The following AFF3 variants were observed in gnomAD, a reference collection of about 807,000 sequenced individuals.
AFF3 encodes the protein ALF transcription elongation factor 3.
In AFF3, 32 loss-of-function variants were observed where a neutral mutation model predicts 129.7. The ratio of observed to expected loss-of-function variants is 0.25; its 90% CI spans 0.19 to 0.33. AFF3 has a LOEUF of 0.33. Ranked by LOEUF, AFF3 falls within the 10% of genes least tolerant of loss-of-function variation. The probability of loss-of-function intolerance (pLI) is 1.00; values close to 1 mark genes in which losing one functional copy is unlikely to be tolerated. For synonymous variants in AFF3, 644 were observed against 635.4 expected, an observed-to-expected ratio of 1.01 and a Z score of -0.20; for missense variants, 1,373 against 1,592.0, an observed-to-expected ratio of 0.86 and a Z score of 2.34.
chr2:100,104,843 GCC>G, intron 3 of AFF3: 1 of 514,684 alleles, frequency 1.9e-6, no homozygotes, highest in Non-Finnish European at 2.4e-6. Flanking sequence ...GCGCCCGCCC[GCC>G]CGCCTCTTTC....
rs2104426197 is a variant in AFF3 at position 99,547,788 on chromosome 2, T to C, written c.*3686A>G. 1 of 209,782 alleles carries C rather than the reference T, an allele frequency of 4.8e-6. No individual in the cohort carries two copies. Among genetic ancestry groups the C allele is most frequent in the Middle Eastern group, 1.6e-3 (1 of 616 alleles). 13.0% of individuals were successfully genotyped at this position (209,782 alleles called of 1,614,324 possible). A position where few individuals can be genotyped will look rare whatever the true frequency, so the allele number is the denominator to read the frequency against. The stretch of plus-strand genomic sequence containing the variant: ...TAAATGTATGCATTTATACAAACTG[T>C]GTATATTATGTATGGGGTGTCAGAA... On this transcript the variant is annotated 3_prime_UTR_variant, in exon 25 of 25. Transcript: ENST00000672756.
At chr2:99,576,239 G>A (rs1217748352) in intron 18 of AFF3, among the ~76,000 whole-genome samples, 1 of 151,306 alleles carries the variant, frequency 6.6e-6, no homozygotes, top group East Asian at 1.9e-4. Context: ...CACCATCTTG[G>A]CCAGGCTGGT....
intron 8 of AFF3, among the ~76,000 whole-genome samples, chr2:99,754,957 C>T (rs1681967893): frequency 6.6e-6 from 1 of 152,172 alleles, no homozygotes; most frequent in African/African-American, 2.4e-5. Flanking sequence ...ATCAGTCTTT[C>T]TTCTCTAATT....
At chr2:99,995,264 G>C (rs1187758639) in intron 7 of AFF3, among the ~76,000 whole-genome samples, 1 of 152,050 alleles carries the variant, frequency 6.6e-6, no homozygotes, top group Non-Finnish European at 1.5e-5. Context: ...TGAAATTATA[G>C]AAAAAGGATG....
rs1477338537 is a variant in AFF3, at chr2:99,551,388, T to C, written c.*86A>G. 6.5e-6 allele frequency: 10 copies of C among 1,540,838 alleles called. No individual in the cohort carries two copies. The highest frequency in any genetic ancestry group is 8.0e-6 in the Non-Finnish European group (9 of 1,129,012). On this transcript the variant is annotated 3_prime_UTR_variant, in exon 25 of 25. Coordinates refer to ENST00000672756, the MANE Select transcript of AFF3 (RefSeq NM_001386135.1). ...GTTCACCGCAGTCTGATAAATGCTG[T>C]GGCTGGGAGTTTCAGTAGCACAGTG...
intron 7 of AFF3, among the ~76,000 whole-genome samples, chr2:99,994,165 A>G (rs557516931): frequency 6.6e-6 from 1 of 152,172 alleles, no homozygotes; most frequent in African/African-American, 2.4e-5. Flanking sequence ...ACGCAGACTG[A>G]AAGAACACTC....
intron 11 of AFF3, among the ~76,000 whole-genome samples, chr2:99,717,242 T>C (rs548429855): frequency 5.3e-5 from 8 of 152,372 alleles, no homozygotes; most frequent in African/African-American, 1.9e-4. Context: ...CTTGTACTAA[T>C]GCCTACAAAT....
At chr2:99,625,135 T>C (rs1294182571) in intron 13 of AFF3, among the ~76,000 whole-genome samples, 3 of 152,242 alleles carry the variant, frequency 2.0e-5, no homozygotes, top group African/African-American at 7.2e-5. Flanking sequence ...TTGCATCCAC[T>C]GTTTGTATAT....
At chr2:99,875,188 C>G (rs754141155) in intron 7 of AFF3, among the ~76,000 whole-genome samples, 6 of 152,126 alleles carry the variant, frequency 3.9e-5, no homozygotes, top group Non-Finnish European at 7.4e-5. Flanking sequence ...TTGTCCAGCT[C>G]AGAGCACTGC....
Position 100,104,520 on chromosome 2 carries a change from TG to T in AFF3, c.-64-3del. 1 of 1,244,380 alleles carries T rather than the reference TG, an allele frequency of 8.0e-7. No individual in the cohort carries two copies. Among genetic ancestry groups the T allele is most frequent in the Non-Finnish European group, 1.0e-6 (1 of 971,216 alleles). The allele number at this position is 1,244,380 out of a possible 1,614,324, so 77.1% of individuals were successfully genotyped here. A position where few individuals can be genotyped will look rare whatever the true frequency, so the allele number is the denominator to read the frequency against. On this transcript the variant is annotated splice_region_variant and splice_polypyrimidine_tract_variant and intron_variant, in intron 3 of 24. Coordinates refer to ENST00000672756, the MANE Select transcript of AFF3 (RefSeq NM_001386135.1). ...GCCGAGGCTCGGGCCGCCCGCGCGC[TG>T]CAACGAAAGGCGCCGCTCAAGGTGC...
intron 11 of AFF3, among the ~76,000 whole-genome samples, chr2:99,676,851 C>T (rs1446835352): frequency 6.6e-6 from 1 of 152,212 alleles, no homozygotes; most frequent in Non-Finnish European, 1.5e-5. Context: ...CTATCAGCCC[C>T]AGTGCACGGA....
At chr2:99,697,222 G>A (rs919309526) in intron 11 of AFF3, among the ~76,000 whole-genome samples, 1 of 152,234 alleles carries the variant, frequency 6.6e-6, no homozygotes, top group Non-Finnish European at 1.5e-5. Context: ...GTTTCCTGCA[G>A]CTTTGAGAAT....
At chr2:99,582,724 T>C in intron 17 of AFF3, 74 bp downstream of exon 17, 5 of 1,510,308 alleles carry the variant, frequency 3.3e-6, no homozygotes, top group Non-Finnish European at 9.2e-7. Flanking sequence ...CAGACTGTGC[T>C]AGGTTAGAGA....
chr2:99,601,358 A>G, intron 14 of AFF3, 77 bp downstream of exon 14: 1 of 1,434,946 alleles, frequency 7.0e-7, no homozygotes, highest in African/African-American at 1.4e-5. Context: ...GCAGTGTGAC[A>G]GTGACAATGC....
intron 7 of AFF3, among the ~76,000 whole-genome samples, chr2:99,984,570 C>T (rs548503679): frequency 6.6e-5 from 10 of 152,004 alleles, no homozygotes; most frequent in East Asian, 3.9e-4. Flanking sequence ...GCTCTAAGAA[C>T]GTAAAAATAA....
At chr2:99,880,298 C>T (rs909508576) in intron 7 of AFF3, among the ~76,000 whole-genome samples, 3 of 152,174 alleles carry the variant, frequency 2.0e-5, no homozygotes, top group African/African-American at 7.2e-5. Context: ...TTGTGTCACG[C>T]GCCCCTGGAG....
chr2:100,012,919 CA>C (rs1394085598), intron 4 of AFF3, among the ~76,000 whole-genome samples: 1 of 152,132 alleles, frequency 6.6e-6, no homozygotes, highest in Non-Finnish European at 1.5e-5. Flanking sequence ...ATAAAAATTA[CA>C]AAAATCACAT....
chr2:99,886,739 C>T (rs1693143198), intron 7 of AFF3, among the ~76,000 whole-genome samples: 1 of 152,146 alleles, frequency 6.6e-6, no homozygotes, highest in South Asian at 2.1e-4. Context: ...ATGTATATTA[C>T]ATCAGAATAA....
chr2:99,572,306 C>CCCCCCA (rs1553601072), intron 18 of AFF3, among the ~76,000 whole-genome samples: 1 of 128,170 alleles, frequency 7.8e-6, no homozygotes, highest in African/African-American at 3.1e-5. Flanking sequence ...CCCCCCCCCC[C>CCCCCCA]ACCTAGAAAC....
Sources: gnomAD v4.1 joint callset for allele counts (sites outside exome capture counted in the v4.1 genomes callset) on GRCh38, gnomAD v4.1.1 for gene constraint, MANE v1.5 for transcripts, NCBI Gene and HGNC (gene_info 2026-07-23, HGNC 2026-07-21) for gene names.